BNC2: variants seen among roughly 807,000 people sequenced by gnomAD.
The protein encoded by BNC2 is zinc finger protein basonuclin-2.
In BNC2, 20 loss-of-function variants were observed where a neutral mutation model predicts 76.3. That is an observed-to-expected ratio of 0.26 (90% CI 0.18 to 0.38). The LOEUF (loss-of-function observed/expected upper bound fraction) is 0.38, where lower values mean the gene tolerates loss of function less well. BNC2 is among the 10% of genes least tolerant of loss of function. The pLI is 1.00. For missense variants in BNC2, 1,382 were observed against 1,399.8 expected (o/e 0.99, Z 0.20); for synonymous variants, 582 against 514.8 (o/e 1.13, Z -1.77).
In BNC2 at chr9:16,845,113, G is replaced by T. The variant is rs147301310; in HGVS notation, c.3+25533C>A. Among the ~76,000 whole-genome samples, 370 of 152,274 alleles carry T rather than the reference G, an allele frequency of 2.4e-3. 2 individuals carry two copies. Among genetic ancestry groups the T allele is most frequent in the African/African-American group, 8.4e-3 (351 of 41,560 alleles). On this transcript the variant is annotated intron_variant, in intron 1 of 6. Transcript: ENST00000380672. Reference sequence around the variant, plus strand: ...GAAGTTCCTATCAGTCGGGCTGGGGGCCAACCTTCCCAGGCACTGCCAGGA... The same window carrying T: ...GAAGTTCCTATCAGTCGGGCTGGGGTCCAACCTTCCCAGGCACTGCCAGGA...
At chr9:16,836,175 G>A (rs1176834722) in intron 1 of BNC2, among the ~76,000 whole-genome samples, 1 of 152,170 alleles carries the variant, frequency 6.6e-6, no homozygotes, top group Non-Finnish European at 1.5e-5. Context: ...TAGGATTTGG[G>A]AAGACCAACG....
chr9:16,442,031 C>G (rs916419083), intron 5 of BNC2, among the ~76,000 whole-genome samples: 3 of 152,180 alleles, frequency 2.0e-5, no homozygotes, highest in Admixed American at 6.5e-5. Flanking sequence ...TTGGCCCTCC[C>G]TGCAATTTTG....
chr9:16,803,833 T>C (rs1817840881), intron 1 of BNC2, among the ~76,000 whole-genome samples: 1 of 152,232 alleles, frequency 6.6e-6, no homozygotes, highest in Admixed American at 6.5e-5. Context: ...ATGTGTCCGC[T>C]TATCAGCACT....
chr9:16,708,304 C>T (rs748696038), intron 3 of BNC2, among the ~76,000 whole-genome samples: 3 of 152,140 alleles, frequency 2.0e-5, no homozygotes, highest in Non-Finnish European at 2.9e-5. Context: ...CTGTAAGCTA[C>T]GTTTTAATTT....
At chr9:16,833,734 T>G (rs937533371) in intron 1 of BNC2, among the ~76,000 whole-genome samples, 11 of 152,162 alleles carry the variant, frequency 7.2e-5, no homozygotes, top group Non-Finnish European at 1.5e-4. Context: ...GAATGACGGG[T>G]GGCTAAGCAA....
At chr9:16,432,877 G>A (rs1473888642) in intron 6 of BNC2, among the ~76,000 whole-genome samples, 1 of 152,196 alleles carries the variant, frequency 6.6e-6, no homozygotes, top group Non-Finnish European at 1.5e-5. Context: ...AATTCCTGGG[G>A]TTCTCGTGAC....
chr9:16,501,448 T>G (rs1490163392), intron 5 of BNC2, among the ~76,000 whole-genome samples: 1 of 152,128 alleles, frequency 6.6e-6, no homozygotes, highest in Non-Finnish European at 1.5e-5. Context: ...TTCATACATT[T>G]TACCATCACA....
intron 3 of BNC2, among the ~76,000 whole-genome samples, chr9:16,632,736 C>A (rs958571622): frequency 6.6e-6 from 1 of 152,142 alleles, no homozygotes; most frequent in East Asian, 1.9e-4. Flanking sequence ...ATCCCAAGGT[C>A]TAATTTAACG....
chr9:16,652,474 TA>T, intron 3 of BNC2, among the ~76,000 whole-genome samples: 1 of 141,056 alleles, frequency 7.1e-6, no homozygotes, highest in African/African-American at 2.9e-5. Context: ...CCTTACTTGT[TA>T]TTTTTATCTT....
intron 3 of BNC2, among the ~76,000 whole-genome samples, chr9:16,621,289 A>G (rs1820861904): frequency 6.6e-6 from 1 of 152,160 alleles, no homozygotes; most frequent in South Asian, 2.1e-4. Flanking sequence ...ACCAGGGTAT[A>G]CTGCCTTCAA....
chr9:16,662,660 C>A (rs1326386621), intron 3 of BNC2, among the ~76,000 whole-genome samples: 2 of 152,138 alleles, frequency 1.3e-5, no homozygotes, highest in African/African-American at 4.8e-5. Flanking sequence ...CATTTAAACC[C>A]AGGAGGTGGA....
At chr9:16,855,811 G>C (rs947320001) in intron 1 of BNC2, among the ~76,000 whole-genome samples, 1 of 151,782 alleles carries the variant, frequency 6.6e-6, no homozygotes, top group Admixed American at 6.6e-5. Flanking sequence ...GCCTCCCAAA[G>C]TGCTGGGATT....
At chr9:16,521,070 A>C (rs916843384) in intron 5 of BNC2, among the ~76,000 whole-genome samples, 1 of 152,246 alleles carries the variant, frequency 6.6e-6, no homozygotes, top group African/African-American at 2.4e-5. Flanking sequence ...AGGAACATAC[A>C]TCAGACAGGA....
At chr9:16,787,521 G>T (rs571382346) in intron 1 of BNC2, among the ~76,000 whole-genome samples, 7 of 152,282 alleles carry the variant, frequency 4.6e-5, no homozygotes, top group African/African-American at 1.7e-4. Context: ...ACTTGTAAGA[G>T]ACAAGAATGA....
intron 4 of BNC2, among the ~76,000 whole-genome samples, chr9:16,555,741 G>A (rs1387858288): frequency 6.6e-6 from 1 of 152,024 alleles, no homozygotes; most frequent in Non-Finnish European, 1.5e-5. Context: ...AGGCTGCAGT[G>A]AGCCATGATT....
chr9:16,555,022 T>C (rs1293902232), intron 4 of BNC2, among the ~76,000 whole-genome samples: 3 of 149,570 alleles, frequency 2.0e-5, no homozygotes, highest in Non-Finnish European at 2.9e-5. Flanking sequence ...GGTTGTTTTA[T>C]TTTGTATTAT....
intron 1 of BNC2, among the ~76,000 whole-genome samples, chr9:16,767,680 A>T (rs936087485): frequency 6.6e-6 from 1 of 152,158 alleles, no homozygotes; most frequent in East Asian, 1.9e-4. Flanking sequence ...GTTTTATTTC[A>T]AATTTTTATT....
intron 1 of BNC2, among the ~76,000 whole-genome samples, chr9:16,847,045 A>G (rs1818998848): frequency 6.6e-6 from 1 of 152,216 alleles, no homozygotes; most frequent in South Asian, 2.1e-4. Context: ...ATATCTGTTC[A>G]CAATGTCAAG....
At chr9:16,823,029 C>A (rs979225296) in intron 1 of BNC2, among the ~76,000 whole-genome samples, 1 of 152,142 alleles carries the variant, frequency 6.6e-6, no homozygotes, top group Non-Finnish European at 1.5e-5. Flanking sequence ...TCCTCCTCCA[C>A]ACAATGATTG....
Sources: gnomAD v4.1 joint callset for allele counts (sites outside exome capture counted in the v4.1 genomes callset) on GRCh38, gnomAD v4.1.1 for gene constraint, MANE v1.5 for transcripts, NCBI Gene and HGNC (gene_info 2026-07-23, HGNC 2026-07-21) for gene names.